The following TMEM35A variants were observed in gnomAD, a reference collection of about 807,000 sequenced individuals.
TMEM35A encodes the protein nicotinic acetylcholine receptor chaperone.
For synonymous variants in TMEM35A, 50 were observed against 54.7 expected, an observed-to-expected ratio of 0.91 and a Z score of 0.38; for missense variants, 83 against 132.7, an observed-to-expected ratio of 0.63 and a Z score of 1.84.
At chrX:101,089,336 C>T (rs1293117262) in intron 1 of TMEM35A, among the ~76,000 whole-genome samples, 1 of 110,518 alleles carries the variant, frequency 9.0e-6, no homozygotes, top group Non-Finnish European at 1.9e-5. Flanking sequence ...GCAAGTGTAG[C>T]GTCGGAGCCT....
intron 1 of TMEM35A, among the ~76,000 whole-genome samples, chrX:101,092,107 C>T (rs1223831818): frequency 9.0e-6 from 1 of 110,898 alleles, no homozygotes; most frequent in Admixed American, 9.7e-5. Context: ...GAATAACTGA[C>T]ACTTATATCC....
intron 1 of TMEM35A, among the ~76,000 whole-genome samples, chrX:101,090,088 C>G (rs1016073998): frequency 4.5e-5 from 5 of 110,779 alleles, no homozygotes; most frequent in African/African-American, 1.3e-4. Context: ...ATGACCTGGT[C>G]TCTCCTGGTT....
At chrX:101,086,234 C>T (rs1167249902) in intron 1 of TMEM35A, among the ~76,000 whole-genome samples, 1 of 111,667 alleles carries the variant, frequency 9.0e-6, no homozygotes, top group Non-Finnish European at 1.9e-5. Context: ...GATTCTCCTG[C>T]CTCAGCCTCC....
chrX:101,094,654 A>G lies in TMEM35A; in HGVS notation c.202A>G (p.Ile68Val), dbSNP rs146841485. 65 of 1,209,430 alleles carry G rather than the reference A, an allele frequency of 5.4e-5. No homozygotes were observed. Among genetic ancestry groups the G allele is most frequent in the Non-Finnish European group, 7.0e-5 (63 of 895,189 alleles). ...GINSILLRKS[I>V]GALEVACGIV... ...CAATTCCATTCTCCTCCGAAAAAGCATTGGTGCCCTTGAAGTGGCCTGTGG... is the reference window on the plus strand; with the variant it reads ...CAATTCCATTCTCCTCCGAAAAAGCGTTGGTGCCCTTGAAGTGGCCTGTGG... Residue 68 changes from isoleucine to valine, a missense_variant, in exon 2 of 2, where the codon ATT becomes GTT. Physicochemically the swap from Ile to Val is conservative, Grantham distance 29 (BLOSUM62 3). Coordinates refer to ENST00000372930, the MANE Select transcript of TMEM35A (RefSeq NM_021637.3).
chrX:101,090,163 TTC>T (rs1187396324), intron 1 of TMEM35A, among the ~76,000 whole-genome samples: 1 of 105,180 alleles, frequency 9.5e-6, no homozygotes, highest in East Asian at 2.8e-4. Context: ...TTCCATTTCT[TTC>T]TTTCTTTTTT....
At chrX:101,093,352 C>G (rs1296014829) in intron 1 of TMEM35A, among the ~76,000 whole-genome samples, 1 of 110,873 alleles carries the variant, frequency 9.0e-6, no homozygotes, top group South Asian at 3.8e-4. Context: ...CTTGCTCTGT[C>G]GCCCAGGCTG....
At chrX:101,089,225 T>C (rs768687796) in intron 1 of TMEM35A, among the ~76,000 whole-genome samples, 1 of 111,194 alleles carries the variant, frequency 9.0e-6, no homozygotes, top group African/African-American at 3.3e-5. Context: ...TATTTCCATA[T>C]AGGCTCAGGA....
intron 1 of TMEM35A, among the ~76,000 whole-genome samples, chrX:101,093,710 A>G (rs2089330700): frequency 8.9e-6 from 1 of 112,527 alleles, no homozygotes; most frequent in Admixed American, 9.5e-5. Flanking sequence ...TGCTTGTCTT[A>G]GTCCATTCAG....
At chrX:101,079,169 C>T in intron 1 of TMEM35A, 47 bp downstream of exon 1, 1 of 1,194,562 alleles carries the variant, frequency 8.4e-7, no homozygotes, top group Non-Finnish European at 1.1e-6. Flanking sequence ...CATGGGATTG[C>T]GAGGACCTCT....
At chrX:101,094,314 C>T (rs2089332524) in intron 1 of TMEM35A, 1 of 233,674 alleles carries the variant, frequency 4.3e-6, no homozygotes, top group Non-Finnish European at 7.6e-6. Flanking sequence ...TGGGGTTTCA[C>T]CATGTTGGCC....
intron 1 of TMEM35A, among the ~76,000 whole-genome samples, chrX:101,086,133 G>A (rs998229257): frequency 4.5e-5 from 5 of 110,338 alleles, no homozygotes; most frequent in Non-Finnish European, 9.5e-5. Context: ...TTTTGTTTTT[G>A]TTTTTGAGAC....
chrX:101,080,122 A>G (rs887308275), intron 1 of TMEM35A, among the ~76,000 whole-genome samples: 4 of 111,579 alleles, frequency 3.6e-5, no homozygotes, highest in African/African-American at 1.3e-4. Flanking sequence ...CAGACTTCCA[A>G]TAATGGGAAG....
At position 101,095,287 on chromosome X, in the gene TMEM35A, C is replaced by CTGTGTG. The variant is rs763405322; in HGVS notation, c.*350_*355dup. 22 of 142,553 alleles carry CTGTGTG rather than the reference C, an allele frequency of 1.5e-4. No individual in the cohort carries two copies. The highest frequency in any genetic ancestry group is 2.1e-4 in the Non-Finnish European group (17 of 80,610). 11.7% of individuals were successfully genotyped at this position (142,553 alleles called of 1,213,427 possible). A position where few individuals can be genotyped will look rare whatever the true frequency, so the allele number is the denominator to read the frequency against. On this transcript the variant is annotated 3_prime_UTR_variant, in exon 2 of 2. Transcript: ENST00000372930. ...GTGTGGGAAAATGTATTTAACTACT[C>CTGTGTG]TGTGTGTGTGTGTGTGTGTGTGTGC...
rs111842239 is a variant in TMEM35A at position 101,094,517 on chromosome X, T to C, written c.121-56T>C. On this transcript the variant is annotated intron_variant, in intron 1 of 1. Coordinates refer to ENST00000372930, the MANE Select transcript of TMEM35A (RefSeq NM_021637.3). ...AGGACTCTGCTTGTGTTTTCTTCAT[T>C]CTAATGTTAAAATCATGGTTAATGC... 2,438 of 1,123,895 alleles carry C rather than the reference T, an allele frequency of 2.2e-3. 21 individuals carry two copies. The African/African-American group carries it at 0.028, about 13-fold the overall frequency. 92.6% of individuals were successfully genotyped at this position (1,123,895 alleles called of 1,213,427 possible).
At chrX:101,079,240 C>G in intron 1 of TMEM35A, 118 bp downstream of exon 1, 1 of 901,997 alleles carries the variant, frequency 1.1e-6, no homozygotes, top group Admixed American at 3.1e-5. Flanking sequence ...CACCTGGACC[C>G]TCCGTTCTCA....
intron 1 of TMEM35A, among the ~76,000 whole-genome samples, chrX:101,087,549 C>T (rs868471486): frequency 1.3e-4 from 15 of 111,991 alleles, no homozygotes; most frequent in South Asian, 1.1e-3. Flanking sequence ...AAAAGTAATA[C>T]GCCGTTCTAC....
At chrX:101,093,307 CTTAT>C (rs745306988) in intron 1 of TMEM35A, among the ~76,000 whole-genome samples, 5 of 110,588 alleles carry the variant, frequency 4.5e-5, no homozygotes, top group South Asian at 3.8e-4. Flanking sequence ...TATTTATTTG[CTTAT>C]TTATTTATTT....
At chrX:101,089,051 C>T (rs189148344) in intron 1 of TMEM35A, among the ~76,000 whole-genome samples, 5 of 111,469 alleles carry the variant, frequency 4.5e-5, no homozygotes, top group Non-Finnish European at 9.4e-5. Flanking sequence ...CTCACCACCA[C>T]CAGGTACCCT....
intron 1 of TMEM35A, among the ~76,000 whole-genome samples, chrX:101,080,719 A>T (rs2089289481): frequency 9.1e-6 from 1 of 110,288 alleles, no homozygotes; most frequent in Non-Finnish European, 1.9e-5. Flanking sequence ...TTAGATTATG[A>T]ATAAATGAAC....
Sources: gnomAD v4.1 joint callset for allele counts (sites outside exome capture counted in the v4.1 genomes callset) on GRCh38, gnomAD v4.1.1 for gene constraint, MANE v1.5 for transcripts, NCBI Gene and HGNC (gene_info 2026-07-23, HGNC 2026-07-21) for gene names.